GRK5: variants seen among roughly 807,000 people sequenced by gnomAD.
The protein encoded by GRK5 is G protein-coupled receptor kinase 5.
GRK5 carries 40 observed loss-of-function variants against 78.4 expected under a neutral mutation model. The ratio of observed to expected loss-of-function variants is 0.51; its 90% CI spans 0.40 to 0.66. The LOEUF is 0.66. Ranked by LOEUF, GRK5 falls within the 30% of genes least tolerant of loss-of-function variation. GRK5 has a pLI of 0.00. For missense variants in GRK5, 598 were observed against 759.9 expected, an observed-to-expected ratio of 0.79 and a Z score of 2.50; for synonymous variants, 289 against 296.8, an observed-to-expected ratio of 0.97 and a Z score of 0.27.
chr10:119,370,203 A>T (rs1184719110), intron 2 of GRK5, among the ~76,000 whole-genome samples: 2 of 151,536 alleles, frequency 1.3e-5, no homozygotes, highest in African/African-American at 4.9e-5. Context: ...CCTTCCACAG[A>T]CCCACAGCCT....
rs567545100 is a variant in GRK5, at chr10:119,456,719, G to A, written c.*1652G>A. The A allele has an allele frequency of 2.0e-5, 3 of 152,336 alleles. No individual in the cohort carries two copies. The highest frequency in any genetic ancestry group is 7.2e-5 in the African/African-American group (3 of 41,580). The allele number at this position is 152,336 out of a possible 1,614,324, so 9.4% of individuals were successfully genotyped here. A position where few individuals can be genotyped will look rare whatever the true frequency, so the allele number is the denominator to read the frequency against. Reference sequence around the variant, plus strand: ...ATGCCTGGGAGCCCACCCCTGCTGTGGGCTCTCAGCGGGGCTTTGGGGGTG... The same window carrying A: ...ATGCCTGGGAGCCCACCCCTGCTGTAGGCTCTCAGCGGGGCTTTGGGGGTG... On this transcript the variant is annotated 3_prime_UTR_variant, in exon 16 of 16. Coordinates refer to ENST00000392870, the MANE Select transcript of GRK5 (RefSeq NM_005308.3). This position sits in a 1 kb window ranked among gnomAD's most constrained non-coding sequence, Gnocchi z 5.5.
chr10:119,446,894 A>G (rs930705864), intron 12 of GRK5, among the ~76,000 whole-genome samples: 15 of 152,230 alleles, frequency 9.9e-5, no homozygotes, highest in African/African-American at 3.6e-4. Flanking sequence ...GACCAGCAGG[A>G]AGTGTACATG....
chr10:119,299,168 C>A (rs1289482907), intron 1 of GRK5, among the ~76,000 whole-genome samples: 2 of 152,176 alleles, frequency 1.3e-5, no homozygotes, highest in Non-Finnish European at 1.5e-5. Context: ...TTCGGCCAGG[C>A]GCAGTGGCTC....
rs920756777 is a variant in GRK5, at chr10:119,445,365, G to C, written c.1266+1613G>C. ...AGGCAATCAGAGAAGCAGGTCTTGAGAGATCTCAGCAGGGATATGGGACGT... is the reference window on the plus strand; with the variant it reads ...AGGCAATCAGAGAAGCAGGTCTTGACAGATCTCAGCAGGGATATGGGACGT... On this transcript the variant is annotated intron_variant, in intron 12 of 15. Coordinates refer to ENST00000392870, the MANE Select transcript of GRK5 (RefSeq NM_005308.3). The surrounding 1 kb of genome is among the most constrained non-coding windows in gnomAD (Gnocchi z 4.1). 6.6e-6 allele frequency among the ~76,000 whole-genome samples: 1 copy of C among 152,136 alleles called. No individual in the cohort carries two copies. Among genetic ancestry groups the C allele is most frequent in the Non-Finnish European group, 1.5e-5 (1 of 68,012 alleles).
intron 2 of GRK5, among the ~76,000 whole-genome samples, chr10:119,343,615 G>A (rs931505341): frequency 6.6e-6 from 1 of 152,238 alleles, no homozygotes; most frequent in African/African-American, 2.4e-5. Context: ...ATATGGGCAT[G>A]TTTGGGAGAG....
chr10:119,321,780 G>A (rs1385784037), intron 1 of GRK5, among the ~76,000 whole-genome samples: 2 of 152,172 alleles, frequency 1.3e-5, no homozygotes, highest in African/African-American at 4.8e-5. Flanking sequence ...ATAGGGTTGA[G>A]GAGGAAAGTG....
chr10:119,240,252 G>A (rs11198839), intron 1 of GRK5, among the ~76,000 whole-genome samples: 1 of 137,098 alleles, frequency 7.3e-6, no homozygotes, highest in South Asian at 2.4e-4. Flanking sequence ...TCAGGCTGGA[G>A]TGCAGTGGCA....
intron 1 of GRK5, among the ~76,000 whole-genome samples, chr10:119,231,010 G>T (rs1314601741): frequency 6.6e-6 from 1 of 151,950 alleles, no homozygotes; most frequent in Non-Finnish European, 1.5e-5. Flanking sequence ...AGAGGGGTGG[G>T]TTGGAGCAGC....
At chr10:119,391,413 C>T (rs1355471263) in intron 3 of GRK5, among the ~76,000 whole-genome samples, 2 of 152,204 alleles carry the variant, frequency 1.3e-5, no homozygotes, top group African/African-American at 2.4e-5. Flanking sequence ...TCAGCCAGGT[C>T]CTGGCAGAAA....
chr10:119,278,190 G>A (rs747705641), intron 1 of GRK5, among the ~76,000 whole-genome samples: 1 of 152,122 alleles, frequency 6.6e-6, no homozygotes, highest in Non-Finnish European at 1.5e-5. Flanking sequence ...ATTCTCCTGT[G>A]GCCTCTCCCT....
chr10:119,422,224 T>C (rs1011949540), intron 4 of GRK5, among the ~76,000 whole-genome samples: 1 of 152,000 alleles, frequency 6.6e-6, no homozygotes, highest in Non-Finnish European at 1.5e-5. Flanking sequence ...AGGCCTGCCC[T>C]GGGTGGAGCT....
At chr10:119,260,564 G>A (rs1435402831) in intron 1 of GRK5, among the ~76,000 whole-genome samples, 16 of 152,040 alleles carry the variant, frequency 1.1e-4, no homozygotes, top group South Asian at 1.0e-3. Flanking sequence ...CTTCCGCAGC[G>A]TTTGTGTCCC....
intron 1 of GRK5, among the ~76,000 whole-genome samples, chr10:119,212,195 C>T (rs1848499262): frequency 6.6e-6 from 1 of 151,488 alleles, no homozygotes; most frequent in African/African-American, 2.4e-5. Context: ...GTACTGACAA[C>T]TTGGAGGTAG....
chr10:119,331,847 A>G (rs1850785477), intron 2 of GRK5, among the ~76,000 whole-genome samples: 2 of 152,112 alleles, frequency 1.3e-5, no homozygotes, highest in Non-Finnish European at 2.9e-5. Context: ...AACCAACCCA[A>G]CAGCTCTCCA....
chr10:119,260,295 C>T (rs947905380), intron 1 of GRK5, among the ~76,000 whole-genome samples: 4 of 151,994 alleles, frequency 2.6e-5, no homozygotes, highest in African/African-American at 7.3e-5. Flanking sequence ...GCCGCCGCAC[C>T]GGCCAAGGTC....
chr10:119,380,579 A>G (rs1167730148), intron 2 of GRK5, among the ~76,000 whole-genome samples: 1 of 152,196 alleles, frequency 6.6e-6, no homozygotes, highest in East Asian at 1.9e-4. Context: ...CAGAAATCAG[A>G]GCATTGGACT....
At chr10:119,395,890 C>T (rs909782826) in intron 3 of GRK5, among the ~76,000 whole-genome samples, 8 of 152,146 alleles carry the variant, frequency 5.3e-5, no homozygotes, top group East Asian at 3.9e-4. Flanking sequence ...CGCCGGCCCT[C>T]GGGATCTCCA....
Position 119,455,183 on chromosome 10 carries a change from G to A in GRK5, c.*116G>A, listed in dbSNP as rs748965018. The A allele has an allele frequency of 9.6e-6, 8 of 837,324 alleles. No individual in the cohort carries two copies. The highest frequency in any genetic ancestry group is 6.7e-5 in the African/African-American group (4 of 59,840). The allele number at this position is 837,324 out of a possible 1,614,324, so 51.9% of individuals were successfully genotyped here. A position where few individuals can be genotyped will look rare whatever the true frequency, so the allele number is the denominator to read the frequency against. On this transcript the variant is annotated 3_prime_UTR_variant, in exon 16 of 16. Transcript: ENST00000392870. ...TGCCAGGGGAGACCCCGGGAGCCGG[G>A]GAAGGAGGCCGTCCATCCCGTCGAC... is the stretch of plus-strand genomic sequence containing the variant.
At chr10:119,422,261 G>A (rs1406162680) in intron 4 of GRK5, among the ~76,000 whole-genome samples, 4 of 152,140 alleles carry the variant, frequency 2.6e-5, no homozygotes, top group African/African-American at 9.7e-5. Flanking sequence ...CGCCACTCCT[G>A]GGTAGGACAC....
Sources: gnomAD v4.1 joint callset for allele counts (sites outside exome capture counted in the v4.1 genomes callset) on GRCh38, gnomAD v4.1.1 for gene constraint, Gnocchi (gnomAD v3.1) non-coding constraint, MANE v1.5 for transcripts, NCBI Gene and HGNC (gene_info 2026-07-23, HGNC 2026-07-21) for gene names.